DTNB: variants seen among roughly 807,000 people sequenced by gnomAD.
DTNB encodes the protein DTN-B.
Under a neutral mutation model 90.7 loss-of-function variants are expected in DTNB, and 63 were observed. The ratio of observed to expected loss-of-function variants is 0.69; its 90% CI spans 0.57 to 0.86. The LOEUF is 0.86. Ranked by LOEUF, DTNB falls within the 40% of genes least tolerant of loss-of-function variation. DTNB has a pLI of 0.00. For missense variants in DTNB, 744 were observed against 807.1 expected (o/e 0.92, Z 0.95); for synonymous variants, 277 against 286.7 (o/e 0.97, Z 0.34).
chr2:25,415,221 C>A (rs370230216), intron 16 of DTNB, among the ~76,000 whole-genome samples: 1 of 151,578 alleles, frequency 6.6e-6, no homozygotes, highest in Admixed American at 6.6e-5. Context: ...GGTCTCCATT[C>A]CAGGTTCCTG....
intron 8 of DTNB, among the ~76,000 whole-genome samples, chr2:25,535,291 C>T (rs1010294989): frequency 6.8e-6 from 1 of 147,652 alleles, no homozygotes; most frequent in Non-Finnish European, 1.5e-5. Flanking sequence ...GCGCTCCTCA[C>T]TTCCCAGACG....
At chr2:25,643,846 A>T (rs2078870593) in intron 2 of DTNB, among the ~76,000 whole-genome samples, 1 of 152,218 alleles carries the variant, frequency 6.6e-6, no homozygotes, top group Non-Finnish European at 1.5e-5. Context: ...TAGACAGTTA[A>T]GGCATTGTAA....
At chr2:25,402,521 C>T (rs2043991035) in intron 16 of DTNB, among the ~76,000 whole-genome samples, 1 of 150,664 alleles carries the variant, frequency 6.6e-6, no homozygotes, top group African/African-American at 2.5e-5. Flanking sequence ...GGCTTCTAGA[C>T]ACTGGAGAGA....
intron 8 of DTNB, among the ~76,000 whole-genome samples, chr2:25,543,429 C>T (rs1301657657): frequency 1.3e-5 from 2 of 152,004 alleles, no homozygotes; most frequent in East Asian, 3.9e-4. Flanking sequence ...CTTAGCTTCC[C>T]GAGTAACTGG....
chr2:25,430,273 T>A (rs1019594441), intron 14 of DTNB, among the ~76,000 whole-genome samples: 1 of 152,196 alleles, frequency 6.6e-6, no homozygotes, highest in Non-Finnish European at 1.5e-5. Flanking sequence ...AAAACCAGAT[T>A]ATAAGTTTTT....
intron 2 of DTNB, among the ~76,000 whole-genome samples, chr2:25,645,709 G>A (rs1019807481): frequency 2.4e-4 from 36 of 152,006 alleles, no homozygotes; most frequent in African/African-American, 8.7e-4. Context: ...CCAAAGTGCT[G>A]GAATTACAGG....
chr2:25,388,525 G>C, intron 16 of DTNB, 164 bp from the exon 17 acceptor site: 1 of 977,914 alleles, frequency 1.0e-6, no homozygotes. Context: ...CAAGACTGGA[G>C]AGAGGAAGAA....
intron 2 of DTNB, among the ~76,000 whole-genome samples, chr2:25,649,133 T>G (rs990861196): frequency 6.6e-6 from 1 of 151,494 alleles, no homozygotes; most frequent in South Asian, 2.1e-4. Flanking sequence ...GCCTCCCAAG[T>G]AGCTGGGACT....
At chr2:25,592,629 G>T (rs1024930279) in intron 6 of DTNB, among the ~76,000 whole-genome samples, 2 of 151,734 alleles carry the variant, frequency 1.3e-5, no homozygotes, top group African/African-American at 4.8e-5. Context: ...ATAAACCAAT[G>T]TGTAATTCTC....
intron 4 of DTNB, among the ~76,000 whole-genome samples, chr2:25,614,863 G>A (rs1177905684): frequency 6.6e-6 from 1 of 152,174 alleles, no homozygotes; most frequent in Non-Finnish European, 1.5e-5. Flanking sequence ...CACCAAGCAA[G>A]CAATTCTCCA....
chr2:25,503,623 TAAGAA>T (rs1361129601), intron 9 of DTNB, among the ~76,000 whole-genome samples: 4 of 151,886 alleles, frequency 2.6e-5, no homozygotes, highest in Non-Finnish European at 4.4e-5. Context: ...AAAATGAAAT[TAAGAA>T]AAGAGGCCGG....
At chr2:25,404,876 C>T (rs1256955330) in intron 16 of DTNB, among the ~76,000 whole-genome samples, 1 of 151,876 alleles carries the variant, frequency 6.6e-6, no homozygotes, top group Non-Finnish European at 1.5e-5. Flanking sequence ...AAATAATAGG[C>T]CACAGATAGG....
intron 8 of DTNB, among the ~76,000 whole-genome samples, chr2:25,566,777 CA>C: frequency 6.6e-6 from 1 of 152,262 alleles, no homozygotes; most frequent in Non-Finnish European, 1.5e-5. Context: ...CCAGGACAGC[CA>C]AATTTCAATG....
At chr2:25,460,229 T>C (rs2060718727) in intron 10 of DTNB, among the ~76,000 whole-genome samples, 2 of 152,012 alleles carry the variant, frequency 1.3e-5, no homozygotes, top group African/African-American at 4.8e-5. Flanking sequence ...TGTCATGAAC[T>C]GATGGGGAAG....
At chr2:25,620,144 G>A (rs2072108566) in intron 4 of DTNB, among the ~76,000 whole-genome samples, 1 of 152,198 alleles carries the variant, frequency 6.6e-6, no homozygotes, top group African/African-American at 2.4e-5. Context: ...TGGGAGCTGA[G>A]GGGGAACAAA....
chr2:25,597,447 CT>C (rs1280303172), intron 5 of DTNB, among the ~76,000 whole-genome samples: 2 of 152,046 alleles, frequency 1.3e-5, no homozygotes, highest in African/African-American at 4.8e-5. Flanking sequence ...ACATGCATTA[CT>C]TTTTGGATTC....
intron 8 of DTNB, among the ~76,000 whole-genome samples, chr2:25,538,264 G>A (rs2080302842): frequency 6.6e-6 from 1 of 152,008 alleles, no homozygotes. Context: ...CATTAGCCAG[G>A]TGTGATGACA....
intron 2 of DTNB, among the ~76,000 whole-genome samples, chr2:25,647,915 C>G (rs1455292924): frequency 6.6e-6 from 1 of 151,248 alleles, no homozygotes; most frequent in Non-Finnish European, 1.5e-5. Context: ...CCTTAGTAAC[C>G]CAACATAAGT....
intron 14 of DTNB, among the ~76,000 whole-genome samples, chr2:25,428,652 C>T (rs1216025856): frequency 3.3e-5 from 5 of 152,154 alleles, no homozygotes; most frequent in East Asian, 1.9e-4. Flanking sequence ...AGGCTGGTCT[C>T]GAACTCCTGA....
Sources: gnomAD v4.1 joint callset for allele counts (sites outside exome capture counted in the v4.1 genomes callset) on GRCh38, gnomAD v4.1.1 for gene constraint, MANE v1.5 for transcripts, NCBI Gene and HGNC (gene_info 2026-07-23, HGNC 2026-07-21) for gene names.